DAB2IP: variants seen among roughly 807,000 people sequenced by gnomAD.
The protein encoded by DAB2IP is disabled homolog 2-interacting protein.
Under a neutral mutation model 107.2 loss-of-function variants are expected in DAB2IP, and 28 were observed. The ratio of observed to expected loss-of-function variants is 0.26; its 90% CI spans 0.19 to 0.36. The LOEUF is 0.36. Ranked by LOEUF, DAB2IP falls within the 10% of genes least tolerant of loss-of-function variation. The pLI, the probability that DAB2IP is intolerant of heterozygous loss-of-function variation, is 1.00. For synonymous variants in DAB2IP, 755 were observed against 706.4 expected (o/e 1.07, Z -1.09); for missense variants, 1,400 against 1,644.7 (o/e 0.85, Z 2.57).
chr9:121,762,076 G>T (rs1480143419), intron 6 of DAB2IP, among the ~76,000 whole-genome samples: 1 of 152,170 alleles, frequency 6.6e-6, no homozygotes, highest in African/African-American at 2.4e-5. Flanking sequence ...AAAGTAACTT[G>T]TGCTGCTGGG....
At chr9:121,600,529 C>G (rs1398902412) in intron 1 of DAB2IP, among the ~76,000 whole-genome samples, 2 of 152,138 alleles carry the variant, frequency 1.3e-5, no homozygotes, top group African/African-American at 2.4e-5. Flanking sequence ...AAACTCCTCT[C>G]CCTCTGGCCC....
chr9:121,767,191 A>C (rs1057457200), intron 9 of DAB2IP, among the ~76,000 whole-genome samples: 1 of 152,120 alleles, frequency 6.6e-6, no homozygotes, highest in African/African-American at 2.4e-5. Flanking sequence ...ATAAAGCACT[A>C]TTGGTGTTTT....
At chr9:121,641,351 G>A (rs1418100287) in intron 1 of DAB2IP, among the ~76,000 whole-genome samples, 1 of 152,164 alleles carries the variant, frequency 6.6e-6, no homozygotes, top group Non-Finnish European at 1.5e-5. Flanking sequence ...GGGCTAGGTG[G>A]GATCCTCAGG....
At chr9:121,644,457 C>T (rs1340832057) in intron 1 of DAB2IP, among the ~76,000 whole-genome samples, 1 of 151,658 alleles carries the variant, frequency 6.6e-6, no homozygotes, top group African/African-American at 2.4e-5. Context: ...ATTAGCCAGG[C>T]GTGGTGACAC....
chr9:121,641,940 TCTTTCTTTCCTTTCTTTCTTTCTCTC>T, intron 1 of DAB2IP, among the ~76,000 whole-genome samples: 1 of 139,384 alleles, frequency 7.2e-6, no homozygotes, highest in Non-Finnish European at 1.5e-5. Flanking sequence ...TTTCTTTCTC[TCTTTCTTTCCTTTCTTTCTTTCTCTC>T]TCTCTCTTTC....
intron 1 of DAB2IP, among the ~76,000 whole-genome samples, chr9:121,652,520 G>T (rs1240185048): frequency 1.3e-5 from 2 of 152,142 alleles, no homozygotes; most frequent in Admixed American, 6.5e-5. Flanking sequence ...GCGTTTGGGC[G>T]GGTGGTGGCC....
intron 1 of DAB2IP, among the ~76,000 whole-genome samples, chr9:121,580,973 C>T (rs886796911): frequency 6.6e-6 from 1 of 152,186 alleles, no homozygotes; most frequent in African/African-American, 2.4e-5. Flanking sequence ...CCCCAAAATC[C>T]AGGTGCGCAG....
At chr9:121,744,767 C>A (rs1251602887) in intron 3 of DAB2IP, among the ~76,000 whole-genome samples, 1 of 152,220 alleles carries the variant, frequency 6.6e-6, no homozygotes, top group Admixed American at 6.5e-5. Context: ...TGTTTGACCT[C>A]TCTGAGCCTC....
chr9:121,641,476 C>T (rs1357940699), intron 1 of DAB2IP, among the ~76,000 whole-genome samples: 1 of 152,174 alleles, frequency 6.6e-6, no homozygotes, highest in East Asian at 1.9e-4. Context: ...GTGTCAATAC[C>T]CAATGGCCTT....
At chr9:121,626,615 G>C (rs1831657059) in intron 1 of DAB2IP, among the ~76,000 whole-genome samples, 1 of 151,872 alleles carries the variant, frequency 6.6e-6, no homozygotes, top group Non-Finnish European at 1.5e-5. Context: ...GTAGAGACAG[G>C]GTTTCACCAT....
chr9:121,606,928 C>T lies in DAB2IP; in HGVS notation c.40+39700C>T, dbSNP rs151068606. ...TAGTTGGGACTACAGGTGCATGCCA[C>T]CATGCCTGGCTAATTTTCATATTTT... On this transcript the variant is annotated intron_variant, in intron 1 of 16. Transcript: ENST00000259371. Among the ~76,000 whole-genome samples the T allele has an allele frequency of 2.6e-3, 395 of 152,176 alleles. 18 individuals carry two copies. The East Asian group carries it at 0.07, about 27-fold the overall frequency.
Position 121,635,146 on chromosome 9 carries a change from C to G in DAB2IP, c.41-43532C>G, listed in dbSNP as rs943323214. Among the ~76,000 whole-genome samples, 14 of 152,248 alleles carry G rather than the reference C, an allele frequency of 9.2e-5. No individual in the cohort carries two copies. The highest frequency in any genetic ancestry group is 2.6e-4 in the Admixed American group (4 of 15,296). Reference sequence around the variant, plus strand: ...TGGAGAGGCCAGGCCTCCGTGTGGCCGGTCAATGCCTCAGGAGGTCAGCAG... The same window carrying G: ...TGGAGAGGCCAGGCCTCCGTGTGGCGGGTCAATGCCTCAGGAGGTCAGCAG... On this transcript the variant is annotated intron_variant, in intron 1 of 16. Transcript: ENST00000259371. The surrounding 1 kb of genome is among the most constrained non-coding windows in gnomAD (Gnocchi z 4.3).
intron 1 of DAB2IP, among the ~76,000 whole-genome samples, chr9:121,609,360 T>C (rs1314723479): frequency 1.3e-5 from 2 of 152,146 alleles, no homozygotes; most frequent in African/African-American, 4.8e-5. Flanking sequence ...ACCTGACTCA[T>C]TGAAACTTTT....
chr9:121,673,808 T>C (rs775857397), intron 1 of DAB2IP, among the ~76,000 whole-genome samples: 3 of 152,150 alleles, frequency 2.0e-5, no homozygotes, highest in South Asian at 2.1e-4. Context: ...CTGCCCTCGA[T>C]GTTCAGTGTG....
At chr9:121,773,276 G>T in exon 12 of DAB2IP, 1 of 1,535,886 alleles carries the variant, frequency 6.5e-7, no homozygotes. Context: ...CCCAGAGGAG[G>T]ATCGACCAGC....
chr9:121,763,706 C>A, intron 7 of DAB2IP, 29 bp from the exon 8 acceptor site: 2 of 1,612,404 alleles, frequency 1.2e-6, no homozygotes, highest in Non-Finnish European at 1.7e-6. Context: ...CAGGTCCTCA[C>A]TCCCCACTCC....
intron 3 of DAB2IP, among the ~76,000 whole-genome samples, chr9:121,707,824 G>A (rs1192270228): frequency 6.6e-6 from 1 of 152,190 alleles, no homozygotes; most frequent in Non-Finnish European, 1.5e-5. Flanking sequence ...TACTGTTTCT[G>A]GCTTGGGAGG....
chr9:121,682,400 T>C (rs1003534456), intron 2 of DAB2IP, among the ~76,000 whole-genome samples: 1 of 152,188 alleles, frequency 6.6e-6, no homozygotes, highest in African/African-American at 2.4e-5. Context: ...TGAGTCACGG[T>C]GTAAGGTCTA....
chr9:121,772,665 G>A lies in DAB2IP; in HGVS notation c.2137G>A (p.Val713Ile). 6.2e-7 allele frequency: 1 copy of A among 1,613,828 alleles called. No homozygotes were observed. The highest frequency in any genetic ancestry group is 8.5e-7 in the Non-Finnish European group (1 of 1,179,928). Residue 713 changes from valine (V) to isoleucine (I), a missense_variant, in exon 12 of 16, where the codon GTC becomes ATC. Physicochemically the swap from Val to Ile is conservative, Grantham distance 29 (BLOSUM62 3). Coordinates refer to ENST00000408936, the Ensembl canonical transcript of DAB2IP. This position sits in a 1 kb window ranked among gnomAD's most constrained non-coding sequence, Gnocchi z 4.7. ...CCCCGAAAACAAGGACTTGTTTTTT[G>A]TCACAAGGTCCTCCGGGGTCCAGCC...
Sources: gnomAD v4.1 joint callset for allele counts (sites outside exome capture counted in the v4.1 genomes callset) on GRCh38, gnomAD v4.1.1 for gene constraint, Gnocchi (gnomAD v3.1) non-coding constraint, MANE v1.5 for transcripts, NCBI Gene and HGNC (gene_info 2026-07-23, HGNC 2026-07-21) for gene names.